Variants in RAPGEF4 observed in about 807,000 individuals in gnomAD.
RAPGEF4 encodes RAP guanine-nucleotide-exchange factor (GEF) 4.
A neutral mutation model predicts 147.9 loss-of-function variants in RAPGEF4; 66 were observed. The ratio of observed to expected loss-of-function variants is 0.45; its 90% confidence interval spans 0.37 to 0.55. The LOEUF is 0.55. Ranked by LOEUF, RAPGEF4 falls within the 20% of genes least tolerant of loss-of-function variation. The pLI, the probability that RAPGEF4 is intolerant of heterozygous loss-of-function variation, is 0.00. For synonymous variants in RAPGEF4, 419 were observed against 442.7 expected (o/e 0.95, Z 0.67); for missense variants, 1,071 against 1,257.3 (o/e 0.85, Z 2.24).
intron 4 of RAPGEF4, among the ~76,000 whole-genome samples, chr2:172,828,008 C>T (rs895583182): frequency 6.6e-6 from 1 of 151,932 alleles, no homozygotes; most frequent in African/African-American, 2.4e-5. Context: ...TTTTAATTAA[C>T]CTCAGTCATA....
chr2:172,816,067 T>G (rs144968636), intron 4 of RAPGEF4, among the ~76,000 whole-genome samples: 211 of 152,280 alleles, frequency 1.4e-3, no homozygotes, highest in African/African-American at 4.5e-3. Context: ...CTCAAAAAAC[T>G]TAGAATATCC....
chr2:172,875,577 G>T (rs958664231), intron 4 of RAPGEF4, among the ~76,000 whole-genome samples: 28 of 152,020 alleles, frequency 1.8e-4, no homozygotes, highest in East Asian at 1.4e-3. Flanking sequence ...GTATTATTTC[G>T]GAGGGCTCTG....
At chr2:172,797,474 G>C (rs767544189) in intron 2 of RAPGEF4, 51 bp from the exon 3 acceptor site, 4 of 1,492,260 alleles carry the variant, frequency 2.7e-6, no homozygotes, top group South Asian at 2.4e-5. Flanking sequence ...AGATCATATA[G>C]TAAAACCAAG....
intron 4 of RAPGEF4, among the ~76,000 whole-genome samples, chr2:172,822,935 A>G (rs1046734943): frequency 6.6e-6 from 1 of 152,212 alleles, no homozygotes; most frequent in African/African-American, 2.4e-5. Flanking sequence ...CACATTCAGC[A>G]AACATACTTG....
intron 4 of RAPGEF4, among the ~76,000 whole-genome samples, chr2:172,816,007 A>T (rs1221422991): frequency 6.6e-6 from 1 of 152,174 alleles, no homozygotes; most frequent in Non-Finnish European, 1.5e-5. Flanking sequence ...GAACTACTTT[A>T]TCGTAAATGA....
intron 2 of RAPGEF4, among the ~76,000 whole-genome samples, chr2:172,795,461 T>C (rs1686270499): frequency 6.6e-6 from 1 of 152,218 alleles, no homozygotes; most frequent in Admixed American, 6.5e-5. Context: ...ATTCACATAA[T>C]TGTCTTCTCT....
At chr2:172,977,837 T>G (rs978826364) in intron 10 of RAPGEF4, among the ~76,000 whole-genome samples, 2 of 152,206 alleles carry the variant, frequency 1.3e-5, no homozygotes, top group African/African-American at 4.8e-5. Context: ...CTGACTTCTC[T>G]CACATCATTA....
At chr2:172,811,983 C>G (rs923494712) in intron 3 of RAPGEF4, among the ~76,000 whole-genome samples, 1 of 152,206 alleles carries the variant, frequency 6.6e-6, no homozygotes, top group African/African-American at 2.4e-5. Context: ...TTGGCACCTT[C>G]TATTTCTCTG....
At chr2:172,939,338 T>C (rs1212450246) in intron 6 of RAPGEF4, among the ~76,000 whole-genome samples, 1 of 152,212 alleles carries the variant, frequency 6.6e-6, no homozygotes, top group Non-Finnish European at 1.5e-5. Context: ...GTCAGTTTTT[T>C]AAAGCCATTC....
chr2:172,837,064 A>T (rs1182685679), intron 4 of RAPGEF4, among the ~76,000 whole-genome samples: 1 of 152,152 alleles, frequency 6.6e-6, no homozygotes, highest in Non-Finnish European at 1.5e-5. Flanking sequence ...ATTGCATTTT[A>T]AATTGTGTTC....
At chr2:172,925,777 A>AAGAAAGAGAGAG (rs1553531721) in intron 6 of RAPGEF4, among the ~76,000 whole-genome samples, 2 of 133,894 alleles carry the variant, frequency 1.5e-5, no homozygotes, top group Admixed American at 1.7e-4. Context: ...GAAAGAAAGA[A>AAGAAAGAGAGAG]AGAGAGAGAG....
intron 3 of RAPGEF4, 24 bp from the exon 4 acceptor site, chr2:172,814,255 T>C: frequency 6.2e-7 from 1 of 1,612,488 alleles, no homozygotes; most frequent in Non-Finnish European, 8.5e-7. Context: ...AATTTTCTAA[T>C]GACTAGTTTT....
chr2:172,797,749 T>C (rs761262104), intron 3 of RAPGEF4, 136 bp downstream of exon 3: 32 of 635,090 alleles, frequency 5.0e-5, no homozygotes, highest in Non-Finnish European at 7.4e-5. Flanking sequence ...GCACTGTTTG[T>C]TGGATTCCTT....
intron 3 of RAPGEF4, among the ~76,000 whole-genome samples, chr2:172,801,744 G>A (rs111400153): frequency 1.1e-4 from 16 of 152,260 alleles, no homozygotes; most frequent in South Asian, 6.2e-4. Context: ...CAGAAGGACC[G>A]GAAGGGGAAG....
rs114257842 is a variant in RAPGEF4, at chr2:172,964,103, C to A, written c.699-1459C>A. Among the ~76,000 whole-genome samples, 20 of 152,124 alleles carry A rather than the reference C, an allele frequency of 1.3e-4. No homozygotes were observed. The South Asian group carries it at 3.7e-3, about 28-fold the overall frequency. ...TTTATGTATTTTTACATGATTTTTA[C>A]GATTAATCAATTCTCAAATTAGGAA... On this transcript the variant is annotated intron_variant, in intron 8 of 30. Transcript: ENST00000397081.
chr2:173,048,552 C>T, intron 29 of RAPGEF4, 48 bp from the exon 30 acceptor site: 1 of 1,612,814 alleles, frequency 6.2e-7, no homozygotes, highest in Non-Finnish European at 8.5e-7. Context: ...GGATTGTACT[C>T]TACGCTTACT....
intron 4 of RAPGEF4, among the ~76,000 whole-genome samples, chr2:172,913,444 T>C (rs1286833478): frequency 6.6e-6 from 1 of 152,212 alleles, no homozygotes; most frequent in African/African-American, 2.4e-5. Context: ...GAATAACTTG[T>C]CTGGAGCCTC....
At chr2:172,791,492 C>G (rs150223675) in intron 1 of RAPGEF4, among the ~76,000 whole-genome samples, 2 of 152,262 alleles carry the variant, frequency 1.3e-5, no homozygotes, top group East Asian at 3.9e-4. Flanking sequence ...AGGATTATCA[C>G]TGGTGGTAGT....
chr2:172,852,912 G>A (rs1480314017), intron 4 of RAPGEF4, among the ~76,000 whole-genome samples: 1 of 152,010 alleles, frequency 6.6e-6, no homozygotes, highest in African/African-American at 2.4e-5. Context: ...GTGATATGGT[G>A]CATTACATGG....
Sources: gnomAD v4.1 joint callset for allele counts (sites outside exome capture counted in the v4.1 genomes callset) on GRCh38, gnomAD v4.1.1 for gene constraint, MANE v1.5 for transcripts, NCBI Gene and HGNC (gene_info 2026-07-23, HGNC 2026-07-21) for gene names.